Variants in PUS10 observed in about 807,000 individuals in gnomAD.
The protein encoded by PUS10 is pseudouridine synthase 10, also known as tRNA pseudouridine synthase Pus10.
In PUS10, 59 loss-of-function variants were observed where a neutral mutation model predicts 75.0. That is an observed-to-expected ratio of 0.79 (90% CI 0.64 to 0.98). The LOEUF is 0.98. Among genes scored for constraint, PUS10 ranks in the 50% least tolerant of loss-of-function variants. The probability of loss-of-function intolerance (pLI) is 0.00; values close to 1 mark genes in which losing one functional copy is unlikely to be tolerated. For synonymous variants in PUS10, 219 were observed against 211.6 expected (o/e 1.03, Z -0.30); for missense variants, 650 against 614.4 (o/e 1.06, Z -0.61).
At chr2:60,956,742 A>G (rs780843353) in intron 11 of PUS10, among the ~76,000 whole-genome samples, 39 of 152,076 alleles carry the variant, frequency 2.6e-4, no homozygotes, top group African/African-American at 8.0e-4. Flanking sequence ...TTGGGAGGCT[A>G]AGGCAGGTGG....
intron 16 of PUS10, 46 bp from the exon 17 acceptor site, chr2:60,945,154 C>A: frequency 6.6e-6 from 8 of 1,213,904 alleles, no homozygotes; most frequent in Non-Finnish European, 9.8e-6. Context: ...GCTGTACCAA[C>A]TATTTGGTAA....
chr2:61,012,642 G>A (rs1679677603), intron 1 of PUS10, among the ~76,000 whole-genome samples: 1 of 148,714 alleles, frequency 6.7e-6, no homozygotes, highest in South Asian at 2.1e-4. Flanking sequence ...TAGCTAACAT[G>A]GTGAAACCTT....
intron 4 of PUS10, among the ~76,000 whole-genome samples, chr2:60,988,080 C>T (rs1485142734): frequency 1.3e-5 from 2 of 151,990 alleles, no homozygotes; most frequent in African/African-American, 4.8e-5. Flanking sequence ...GAGAGCAAGA[C>T]TCCGTCTAAA....
Position 60,952,986 on chromosome 2 carries a change from A to G in PUS10, c.1308+11T>C. On this transcript the variant is annotated intron_variant, in intron 15 of 17. Transcript: ENST00000316752. ...AAAATGAAATAAAAAGAATAAGCAC[A>G]CTTAAACTACCTTTATGTCATTTAG... 7.6e-7 allele frequency: 1 copy of G among 1,320,302 alleles called. No homozygotes were observed. Among genetic ancestry groups the G allele is most frequent in the Non-Finnish European group, 1.1e-6 (1 of 918,226 alleles). 81.8% of individuals were successfully genotyped at this position (1,320,302 alleles called of 1,614,324 possible).
chr2:61,007,710 A>C (rs1679316663), intron 3 of PUS10, among the ~76,000 whole-genome samples: 1 of 147,380 alleles, frequency 6.8e-6, no homozygotes, highest in Admixed American at 6.8e-5. Flanking sequence ...CGGAGGTTGT[A>C]GTGAGCTGAG....
chr2:61,016,976 C>G lies in PUS10; in HGVS notation c.-16+1032G>C, dbSNP rs1573540168. Among the ~76,000 whole-genome samples the G allele has an allele frequency of 2.0e-5, 3 of 152,130 alleles. No homozygotes were observed. The South Asian group carries it at 6.2e-4, about 32-fold the overall frequency. ...ACTCTTGAAAAGTTCATCCCGAGAT[C>G]TAACCTCAAGCCTCAGTTTTCGCCA... On this transcript the variant is annotated intron_variant, in intron 1 of 17. Coordinates refer to ENST00000316752, the MANE Select transcript of PUS10 (RefSeq NM_144709.4).
Position 60,942,141 on chromosome 2 carries a change from T to C in PUS10, c.*254A>G. 2.4e-6 allele frequency: 1 copy of C among 411,748 alleles called. No individual in the cohort carries two copies. Among genetic ancestry groups the C allele is most frequent in the Non-Finnish European group, 4.4e-6 (1 of 224,940 alleles). 25.5% of individuals were successfully genotyped at this position (411,748 alleles called of 1,614,324 possible). The stretch of plus-strand genomic sequence containing the variant: ...AGAATTAAGGAGAATTATTTCATTA[T>C]TCATAGTTTGGTTTGTGGGGGTGAA... On this transcript the variant is annotated 3_prime_UTR_variant, in exon 18 of 18. Transcript: ENST00000316752.
intron 15 of PUS10, among the ~76,000 whole-genome samples, chr2:60,952,379 TAAG>T (rs2104225393): frequency 6.6e-6 from 1 of 150,580 alleles, no homozygotes; most frequent in African/African-American, 2.4e-5. Flanking sequence ...ACTATTTTTA[TAAG>T]AAGAGGTGGG....
At chr2:61,001,282 G>A (rs930719478) in intron 4 of PUS10, among the ~76,000 whole-genome samples, 1 of 149,128 alleles carries the variant, frequency 6.7e-6, no homozygotes, top group African/African-American at 2.4e-5. Context: ...TAAGCCATAA[G>A]CCACCTCTTC....
chr2:60,952,877 C>A, intron 15 of PUS10, 120 bp downstream of exon 15: 1 of 607,108 alleles, frequency 1.6e-6, no homozygotes, highest in Non-Finnish European at 2.9e-6. Flanking sequence ...GCTTGGAACC[C>A]AGGTCTTGCT....
intron 4 of PUS10, among the ~76,000 whole-genome samples, chr2:60,981,313 C>T (rs747281627): frequency 1.3e-5 from 2 of 152,082 alleles, no homozygotes; most frequent in East Asian, 3.9e-4. Flanking sequence ...GACTGAGTCT[C>T]GCTCTGTCAC....
At chr2:60,994,362 C>T (rs967492198) in intron 4 of PUS10, among the ~76,000 whole-genome samples, 36 of 149,678 alleles carry the variant, frequency 2.4e-4, no homozygotes, top group Admixed American at 2.1e-3. Context: ...ATCACACATA[C>T]ATGCATCAAT....
At chr2:60,944,077 G>A (rs1362074087) in intron 17 of PUS10, 2 of 214,988 alleles carry the variant, frequency 9.3e-6, no homozygotes, top group Non-Finnish European at 1.6e-5. Context: ...GCAGTGACCC[G>A]TGATCGCACC....
chr2:60,945,882 T>TA (rs1674914613), intron 16 of PUS10, among the ~76,000 whole-genome samples: 1 of 152,228 alleles, frequency 6.6e-6, no homozygotes, highest in South Asian at 2.1e-4. Context: ...AATGCAGCAT[T>TA]ATGTTTTGTT....
At chr2:60,982,950 A>G (rs542340289) in intron 4 of PUS10, among the ~76,000 whole-genome samples, 1 of 152,146 alleles carries the variant, frequency 6.6e-6, no homozygotes, top group Non-Finnish European at 1.5e-5. Flanking sequence ...CACCTCAGCC[A>G]GCTGAATTGT....
chr2:60,947,994 C>T (rs542729316), intron 16 of PUS10, 49 bp downstream of exon 16: 1 of 1,609,154 alleles, frequency 6.2e-7, no homozygotes, highest in South Asian at 1.1e-5. Context: ...ATGAACTTTT[C>T]CAATAGAGTT....
intron 4 of PUS10, among the ~76,000 whole-genome samples, chr2:61,002,215 G>C (rs943438671): frequency 2.0e-5 from 3 of 152,180 alleles, no homozygotes; most frequent in Non-Finnish European, 4.4e-5. Context: ...CTCCAAGTGA[G>C]TCTCATGCAT....
chr2:60,956,789 C>G (rs1040040752), intron 11 of PUS10, among the ~76,000 whole-genome samples: 1 of 151,816 alleles, frequency 6.6e-6, no homozygotes, highest in African/African-American at 2.4e-5. Context: ...TCCTGGCTAA[C>G]TTGGTGAAAC....
chr2:60,991,572 T>C (rs1037987724), intron 4 of PUS10, among the ~76,000 whole-genome samples: 7 of 152,164 alleles, frequency 4.6e-5, no homozygotes, highest in Non-Finnish European at 8.8e-5. Flanking sequence ...TCCTCCTATC[T>C]CAGCCTCTTG....
Sources: allele counts gnomAD v4.1 joint callset (sites outside exome capture counted in the v4.1 genomes callset), GRCh38; gene constraint gnomAD v4.1.1; transcripts MANE v1.5; gene names NCBI Gene and HGNC (gene_info 2026-07-23, HGNC 2026-07-21).